GALNT7: variants seen among roughly 807,000 people sequenced by gnomAD.
GALNT7 encodes N-acetylgalactosaminyltransferase 7.
A neutral mutation model predicts 82.1 loss-of-function variants in GALNT7; 60 were observed. The ratio of observed to expected loss-of-function variants is 0.73; its 90% CI spans 0.59 to 0.91. GALNT7 has a LOEUF of 0.91. GALNT7 is among the 40% of genes least tolerant of loss of function. GALNT7 has a pLI of 0.00. For missense variants in GALNT7, 660 were observed against 804.2 expected (o/e 0.82, Z 2.17); for synonymous variants, 243 against 275.1 (o/e 0.88, Z 1.15).
intron 2 of GALNT7, among the ~76,000 whole-genome samples, chr4:173,277,561 G>T (rs570294047): frequency 2.0e-5 from 3 of 152,140 alleles, no homozygotes; most frequent in African/African-American, 7.2e-5. Context: ...ACGTCACATG[G>T]TTGCTTTTTC....
chr4:173,182,238 A>G (rs915693555), intron 1 of GALNT7, among the ~76,000 whole-genome samples: 1 of 152,238 alleles, frequency 6.6e-6, no homozygotes, highest in Non-Finnish European at 1.5e-5. Context: ...AAATGCAGAA[A>G]GAATAACTAA....
intron 2 of GALNT7, among the ~76,000 whole-genome samples, chr4:173,281,717 G>A (rs534108845): frequency 3.3e-5 from 5 of 152,282 alleles, no homozygotes; most frequent in African/African-American, 7.2e-5. Flanking sequence ...TGGAGGCTGC[G>A]CACAAATCCG....
At chr4:173,261,856 C>A (rs1446589066) in intron 2 of GALNT7, among the ~76,000 whole-genome samples, 4 of 151,908 alleles carry the variant, frequency 2.6e-5, no homozygotes, top group Non-Finnish European at 5.9e-5. Flanking sequence ...TAGATAGCTG[C>A]AAATAATTAG....
intron 1 of GALNT7, among the ~76,000 whole-genome samples, chr4:173,224,241 G>A (rs17059217): frequency 0.14 from 22,010 of 152,068 alleles, 1,719 homozygotes; most frequent in Non-Finnish European, 0.18. Context: ...AGGGTAATTT[G>A]TAATCCTTCC....
At chr4:173,238,340 T>C in intron 1 of GALNT7, among the ~76,000 whole-genome samples, 1 of 152,222 alleles carries the variant, frequency 6.6e-6, no homozygotes, top group Non-Finnish European at 1.5e-5. Flanking sequence ...ATCTCATCTT[T>C]AGAATAAAAA....
chr4:173,224,765 C>G (rs1733754587), intron 1 of GALNT7, among the ~76,000 whole-genome samples: 1 of 151,944 alleles, frequency 6.6e-6, no homozygotes, highest in Non-Finnish European at 1.5e-5. Context: ...GTAATCCCAG[C>G]ACTTTGGGAG....
intron 1 of GALNT7, among the ~76,000 whole-genome samples, chr4:173,203,889 T>C (rs1386909601): frequency 6.6e-6 from 1 of 152,246 alleles, no homozygotes; most frequent in Non-Finnish European, 1.5e-5. Context: ...ACTATCACAG[T>C]ATTATTCTGA....
At chr4:173,274,558 A>T (rs1735833467) in intron 2 of GALNT7, among the ~76,000 whole-genome samples, 1 of 152,222 alleles carries the variant, frequency 6.6e-6, no homozygotes, top group Non-Finnish European at 1.5e-5. Context: ...TAAGCAAATC[A>T]TATAACCTAA....
intron 1 of GALNT7, among the ~76,000 whole-genome samples, chr4:173,200,664 G>A (rs1482603631): frequency 6.6e-6 from 1 of 152,074 alleles, no homozygotes; most frequent in Admixed American, 6.5e-5. Context: ...CAGTGTTTAG[G>A]GTCTGCTAAG....
intron 1 of GALNT7, among the ~76,000 whole-genome samples, chr4:173,243,030 G>A (rs148658460): frequency 3.9e-5 from 6 of 152,254 alleles, no homozygotes; most frequent in African/African-American, 9.6e-5. Context: ...TCAAGCAGTG[G>A]CCCTTTCCTA....
chr4:173,222,392 C>G (rs1040010590), intron 1 of GALNT7, among the ~76,000 whole-genome samples: 1 of 152,188 alleles, frequency 6.6e-6, no homozygotes, highest in South Asian at 2.1e-4. Context: ...CTGCCTCAGT[C>G]TCCTGAGTAG....
intron 6 of GALNT7, among the ~76,000 whole-genome samples, chr4:173,299,448 CTAGAAAAATTAAAGGGAGG>C (rs1736838598): frequency 6.6e-6 from 1 of 151,920 alleles, no homozygotes; most frequent in South Asian, 2.1e-4. Context: ...TTAAAGTGAC[CTAGAAAAATTAAAGGGAGG>C]TTATCTGTTG....
intron 1 of GALNT7, among the ~76,000 whole-genome samples, chr4:173,170,040 G>A (rs1198653764): frequency 6.6e-6 from 1 of 152,094 alleles, no homozygotes; most frequent in East Asian, 2.0e-4. Flanking sequence ...ACCCGGAGCC[G>A]CGCCGCGCGG....
chr4:173,207,636 T>C (rs1321185635), intron 1 of GALNT7, among the ~76,000 whole-genome samples: 4 of 152,206 alleles, frequency 2.6e-5, no homozygotes, highest in Non-Finnish European at 5.9e-5. Flanking sequence ...TCTTAAATAT[T>C]GTACTTTTCT....
intron 6 of GALNT7, among the ~76,000 whole-genome samples, chr4:173,300,591 TC>T (rs749743556): frequency 4.6e-5 from 7 of 151,284 alleles, no homozygotes; most frequent in African/African-American, 9.7e-5. Flanking sequence ...GCTGGCACGT[TC>T]CCGGTGGGAG....
At chr4:173,176,193 A>T (rs143154215) in intron 1 of GALNT7, among the ~76,000 whole-genome samples, 2,125 of 152,336 alleles carry the variant, frequency 0.014, 47 homozygotes, top group African/African-American at 0.047. Flanking sequence ...CTATCATGCA[A>T]ATCTGGCGGA....
intron 1 of GALNT7, among the ~76,000 whole-genome samples, chr4:173,219,640 C>T (rs1317446748): frequency 6.6e-6 from 1 of 152,124 alleles, no homozygotes; most frequent in African/African-American, 2.4e-5. Context: ...TTCACCACAT[C>T]CATGCCAATA....
intron 2 of GALNT7, among the ~76,000 whole-genome samples, chr4:173,289,813 T>C (rs1338090673): frequency 6.6e-6 from 1 of 152,204 alleles, no homozygotes; most frequent in Non-Finnish European, 1.5e-5. Context: ...GAGTTTTTTT[T>C]TTCCCCAGGT....
chr4:173,196,575 G>A (rs1156764143), intron 1 of GALNT7, among the ~76,000 whole-genome samples: 1 of 152,192 alleles, frequency 6.6e-6, no homozygotes, highest in Non-Finnish European at 1.5e-5. Context: ...CGGGTTGCAT[G>A]TGCAGGATGT....
Sources: gnomAD v4.1 joint callset for allele counts (sites outside exome capture counted in the v4.1 genomes callset) on GRCh38, gnomAD v4.1.1 for gene constraint, MANE v1.5 for transcripts, NCBI Gene and HGNC (gene_info 2026-07-23, HGNC 2026-07-21) for gene names.